Variants in ADGRL2 observed in about 807,000 individuals in gnomAD.
The protein encoded by ADGRL2 is adhesion G protein-coupled receptor L2, also known as calcium-independent alpha-latrotoxin receptor 2.
Under a neutral mutation model 157.4 loss-of-function variants are expected in ADGRL2, and 44 were observed. The ratio of observed to expected loss-of-function variants is 0.28; its 90% CI spans 0.22 to 0.36. The LOEUF (loss-of-function observed/expected upper bound fraction) is 0.36, where lower values mean the gene tolerates loss of function less well. ADGRL2 is among the 10% of genes least tolerant of loss of function. The pLI is 1.00. For missense variants in ADGRL2, 1,510 were observed against 1,768.9 expected (o/e 0.85, Z 2.63); for synonymous variants, 585 against 624.7 (o/e 0.94, Z 0.95).
intron 23 of ADGRL2, chr1:81,990,096 C>T (rs1269256850): frequency 2.0e-6 from 2 of 985,064 alleles, no homozygotes; most frequent in Non-Finnish European, 2.4e-6. Context: ...TTCTTTGTGT[C>T]AGAGATTTGA....
At chr1:81,586,403 A>T (rs1371593532) in intron 3 of ADGRL2, 1 of 152,046 alleles carries the variant, frequency 6.6e-6, no homozygotes, top group Non-Finnish European at 1.5e-5. Context: ...AATGAATATT[A>T]TTAGGCCAGA....
chr1:81,800,877 G>C (rs2087957122), upstream of ADGRL2, among the ~76,000 whole-genome samples: 1 of 149,868 alleles, frequency 6.7e-6, no homozygotes, highest in African/African-American at 2.4e-5. Flanking sequence ...CCGACTGGGA[G>C]GGGAGAGAAG....
intron 2 of ADGRL2, among the ~76,000 whole-genome samples, chr1:81,449,727 G>A (rs975585002): frequency 1.3e-5 from 2 of 152,040 alleles, no homozygotes; most frequent in South Asian, 2.1e-4. Flanking sequence ...TTAGCCTCCC[G>A]AGTAGCTGGG....
At position 81,387,643 on chromosome 1, in the gene ADGRL2, C is replaced by G. The variant is rs533906985; in HGVS notation, c.-301-57393C>G. ...GCCTTCAATTTTAACTGCTATATAT[C>G]CGAAGTTATTCATCAACCAATTGTT... On this transcript the variant is annotated intron_variant, in intron 1 of 24. Coordinates refer to the ADGRL2 transcript ENST00000370721. Among the ~76,000 whole-genome samples, 13 of 152,156 alleles carry G rather than the reference C, an allele frequency of 8.5e-5. No homozygotes were observed. The East Asian group carries it at 2.5e-3, about 29-fold the overall frequency.
rs544714335 is a variant in ADGRL2 at position 81,769,868 on chromosome 1, T to C, written c.-101+8016T>C. Among the ~76,000 whole-genome samples, 22 of 151,956 alleles carry C rather than the reference T, an allele frequency of 1.4e-4. No individual in the cohort carries two copies. The South Asian group carries it at 4.1e-3, about 29-fold the overall frequency. On this transcript the variant is annotated intron_variant, in intron 2 of 20. Coordinates refer to the ADGRL2 transcript ENST00000359929. ...AATGTTTTTATTTTCCTTTTCTTTT[T>C]TTTTTCTTTTTTTGAGATGGAGTCT...
intron 1 of ADGRL2, among the ~76,000 whole-genome samples, chr1:81,737,397 C>T (rs1157087480): frequency 1.3e-5 from 2 of 152,132 alleles, no homozygotes; most frequent in Non-Finnish European, 2.9e-5. Context: ...AAGTGCCACA[C>T]ACTTTTAAAC....
chr1:81,443,933 AT>A (rs2077553891), intron 1 of ADGRL2, among the ~76,000 whole-genome samples: 1 of 152,192 alleles, frequency 6.6e-6, no homozygotes, highest in East Asian at 1.9e-4. Flanking sequence ...AGAAGAAAAA[AT>A]GAGTATTTAT....
At chr1:81,517,638 G>A (rs1443054227) in intron 2 of ADGRL2, among the ~76,000 whole-genome samples, 2 of 152,114 alleles carry the variant, frequency 1.3e-5, no homozygotes, top group Non-Finnish European at 2.9e-5. Flanking sequence ...GGGAGAGGAA[G>A]CACCCAGGTG....
At chr1:81,987,280 T>C in intron 22 of ADGRL2, 7 of 1,593,940 alleles carry the variant, frequency 4.4e-6, no homozygotes, top group Non-Finnish European at 6.0e-6. Context: ...TCTTAATATA[T>C]TATTACAGGA....
At chr1:81,421,968 G>C (rs1486000750) in intron 1 of ADGRL2, among the ~76,000 whole-genome samples, 3 of 151,984 alleles carry the variant, frequency 2.0e-5, no homozygotes, top group Admixed American at 1.3e-4. Flanking sequence ...CATTGAAAGA[G>C]GATATATAAA....
chr1:81,446,243 G>A (rs538205928), intron 2 of ADGRL2, among the ~76,000 whole-genome samples: 50 of 152,284 alleles, frequency 3.3e-4, no homozygotes, highest in African/African-American at 7.9e-4. Flanking sequence ...ACAGCACAGC[G>A]TAGTTGGAGA....
chr1:81,688,001 A>G (rs1329185378), intron 3 of ADGRL2, among the ~76,000 whole-genome samples: 3 of 152,148 alleles, frequency 2.0e-5, no homozygotes, highest in South Asian at 2.1e-4. Context: ...AGGGCCCCCA[A>G]TCCCTTCTAG....
Position 81,937,898 on chromosome 1 carries a change from G to T in ADGRL2, c.397+1061G>T, listed in dbSNP as rs3790894. 3.1e-4 allele frequency among the ~76,000 whole-genome samples: 47 copies of T among 151,868 alleles called. No individual in the cohort carries two copies. The East Asian group carries it at 5.8e-3, about 19-fold the overall frequency. Reference sequence around the variant, plus strand: ...CAAAGGGCCAAATTCTGATAGATCTGCTGTGTCCGATATGGTAGTAATACA... The same window carrying T: ...CAAAGGGCCAAATTCTGATAGATCTTCTGTGTCCGATATGGTAGTAATACA... On this transcript the variant is annotated intron_variant, in intron 4 of 23. Coordinates refer to ENST00000686636, the MANE Select transcript of ADGRL2 (RefSeq NM_001366006.2).
intron 1 of ADGRL2, among the ~76,000 whole-genome samples, chr1:81,373,775 A>G (rs2076200350): frequency 6.6e-6 from 1 of 152,234 alleles, no homozygotes; most frequent in Non-Finnish European, 1.5e-5. Flanking sequence ...TGTTTTCAAC[A>G]AGAGTTTGAA....
intron 2 of ADGRL2, among the ~76,000 whole-genome samples, chr1:81,511,398 G>GGGCA (rs1553172028): frequency 9.8e-6 from 1 of 101,812 alleles, no homozygotes; most frequent in African/African-American, 4.7e-5. Flanking sequence ...AAAAAAAAGC[G>GGGCA]CGCACACACA....
At chr1:81,753,873 T>C (rs1364776817) in intron 1 of ADGRL2, among the ~76,000 whole-genome samples, 7 of 152,190 alleles carry the variant, frequency 4.6e-5, no homozygotes, top group Non-Finnish European at 8.8e-5. Flanking sequence ...GCTGAATGTC[T>C]TTCCCTAAAG....
At chr1:81,767,880 AAG>A (rs1553151109) in intron 2 of ADGRL2, among the ~76,000 whole-genome samples, 2 of 151,542 alleles carry the variant, frequency 1.3e-5, no homozygotes, top group Non-Finnish European at 2.9e-5. Flanking sequence ...AAAAAAAAAA[AAG>A]AAATTGCTGG....
At chr1:81,428,789 G>A (rs900733181) in intron 1 of ADGRL2, among the ~76,000 whole-genome samples, 3 of 152,020 alleles carry the variant, frequency 2.0e-5, no homozygotes, top group Middle Eastern at 3.2e-3. Context: ...CATTTCTTCT[G>A]GAGAAACTTC....
intron 3 of ADGRL2, among the ~76,000 whole-genome samples, chr1:81,653,770 T>C (rs2082472854): frequency 6.6e-6 from 1 of 152,194 alleles, no homozygotes; most frequent in African/African-American, 2.4e-5. Flanking sequence ...AAAAAAAGTT[T>C]AGATATGGTT....
Sources: gnomAD v4.1 joint callset for allele counts (sites outside exome capture counted in the v4.1 genomes callset) on GRCh38, gnomAD v4.1.1 for gene constraint, MANE v1.5 for transcripts, NCBI Gene and HGNC (gene_info 2026-07-23, HGNC 2026-07-21) for gene names.